DMD: variants seen among roughly 807,000 people sequenced by gnomAD.
DMD encodes mutant dystrophin.
In DMD, 63 loss-of-function variants were observed where a neutral mutation model predicts 330.1. That is an observed-to-expected ratio of 0.19 (90% CI 0.16 to 0.24). The LOEUF is 0.24. Ranked by LOEUF, DMD falls within the 10% of genes least tolerant of loss-of-function variation. DMD has a pLI of 1.00. For synonymous variants in DMD, 1,223 were observed against 959.8 expected (o/e 1.27, Z -5.07); for missense variants, 3,344 against 2,684.1 (o/e 1.25, Z -5.43).
At chrX:31,163,480 T>C (rs1053197072) in intron 74 of DMD, among the ~76,000 whole-genome samples, 5 of 111,995 alleles carry the variant, frequency 4.5e-5, no homozygotes, top group Middle Eastern at 4.2e-3. Flanking sequence ...ACCAAGTAAC[T>C]TGAATGCCTA....
chrX:31,392,760 T>A (rs931420237), intron 60 of DMD, among the ~76,000 whole-genome samples: 31 of 112,279 alleles, frequency 2.8e-4, no homozygotes, highest in African/African-American at 9.1e-4. Flanking sequence ...GGTTTAGTAA[T>A]GTTTTCATTA....
chrX:32,123,202 C>CATATATATATATATATATATAT (rs59017074), intron 44 of DMD, among the ~76,000 whole-genome samples: 16 of 32,557 alleles, frequency 4.9e-4, no homozygotes, highest in Non-Finnish European at 5.5e-4. Flanking sequence ...TGTGAGCATG[C>CATATATATATATATATATATAT]ATATATATAT....
At chrX:32,453,704 C>A (rs538243332) in intron 26 of DMD, among the ~76,000 whole-genome samples, 2 of 110,674 alleles carry the variant, frequency 1.8e-5, no homozygotes, top group East Asian at 5.7e-4. Context: ...AGTTCACAAA[C>A]GAAGGAATTT....
intron 12 of DMD, among the ~76,000 whole-genome samples, chrX:32,604,646 T>C (rs1396023660): frequency 9.0e-6 from 1 of 110,507 alleles, no homozygotes; most frequent in Non-Finnish European, 1.9e-5. Context: ...ATTTTACATC[T>C]AGAAAACCCT....
intron 44 of DMD, among the ~76,000 whole-genome samples, chrX:32,010,129 G>T (rs1486313251): frequency 1.8e-5 from 2 of 111,787 alleles, no homozygotes; most frequent in Non-Finnish European, 3.8e-5. Context: ...TTGGCACAGA[G>T]CAGAGGCTCA....
intron 30 of DMD, among the ~76,000 whole-genome samples, chrX:32,405,446 T>A (rs934869198): frequency 5.4e-5 from 6 of 111,168 alleles, no homozygotes; most frequent in African/African-American, 9.9e-5. Flanking sequence ...ACTTTGGAAA[T>A]AATCCTAGTT....
At chrX:31,219,201 C>A (rs186244117) in intron 64 of DMD, among the ~76,000 whole-genome samples, 2 of 111,218 alleles carry the variant, frequency 1.8e-5, no homozygotes, top group Admixed American at 1.9e-4. Context: ...TTCTCCTACC[C>A]AACAGGGACT....
intron 1 of DMD, among the ~76,000 whole-genome samples, chrX:33,077,235 A>G (rs773885457): frequency 9.0e-6 from 1 of 111,580 alleles, no homozygotes; most frequent in South Asian, 3.8e-4. Flanking sequence ...GTCCCAGGCA[A>G]GAAGGAATTT....
intron 1 of DMD, among the ~76,000 whole-genome samples, chrX:33,179,693 C>CAAA (rs758474479): frequency 0.059 from 3,700 of 63,041 alleles, 253 homozygotes; most frequent in African/African-American, 0.19. Context: ...GACTCCGTCT[C>CAAA]AAAAAAAAAA....
At chrX:32,716,094 C>T (rs1053605942) in intron 7 of DMD, among the ~76,000 whole-genome samples, 3 of 111,189 alleles carry the variant, frequency 2.7e-5, no homozygotes, top group African/African-American at 9.8e-5. Context: ...TGGCTAGGTT[C>T]TCCAGAAAAA....
At chrX:31,196,391 A>G (rs1360975716) in intron 67 of DMD, among the ~76,000 whole-genome samples, 10 of 111,316 alleles carry the variant, frequency 9.0e-5, no homozygotes, top group Non-Finnish European at 1.7e-4. Context: ...ACTAGTGAGT[A>G]TTCATCCGTC....
intron 2 of DMD, among the ~76,000 whole-genome samples, chrX:32,952,237 G>A (rs753528508): frequency 7.3e-5 from 8 of 109,760 alleles, no homozygotes; most frequent in African/African-American, 2.7e-4. Context: ...GGGTTCAAGC[G>A]ATTCTCCCGC....
At chrX:31,768,735 A>G (rs996605244) in intron 51 of DMD, among the ~76,000 whole-genome samples, 1 of 112,292 alleles carries the variant, frequency 8.9e-6, no homozygotes, top group Non-Finnish European at 1.9e-5. Context: ...CTCCGACACT[A>G]AGCTATAAAG....
chrX:33,031,639 C>T (rs752605680), intron 1 of DMD, among the ~76,000 whole-genome samples: 2 of 110,649 alleles, frequency 1.8e-5, no homozygotes, highest in Non-Finnish European at 1.9e-5. Flanking sequence ...GGCGTGGTGG[C>T]GGACACCTGA....
intron 2 of DMD, among the ~76,000 whole-genome samples, chrX:32,889,786 T>C (rs993745711): frequency 9.0e-6 from 1 of 111,188 alleles, no homozygotes; most frequent in African/African-American, 3.3e-5. Flanking sequence ...CACCCTTGGC[T>C]GACTCCTTTT....
At chrX:33,187,421 C>T (rs1205977095) in intron 1 of DMD, among the ~76,000 whole-genome samples, 1 of 112,486 alleles carries the variant, frequency 8.9e-6, no homozygotes, top group Non-Finnish European at 1.9e-5. Context: ...AACTTTTGTT[C>T]TAGAGATATG....
chrX:31,639,408 C>T (rs975422302), intron 54 of DMD, among the ~76,000 whole-genome samples: 2 of 111,879 alleles, frequency 1.8e-5, no homozygotes, highest in Admixed American at 9.5e-5. Context: ...CAATTTTACA[C>T]GTAAACATAA....
chrX:31,753,086 G>A (rs1454834811), intron 51 of DMD, among the ~76,000 whole-genome samples: 1 of 111,300 alleles, frequency 9.0e-6, no homozygotes, highest in Non-Finnish European at 1.9e-5. Context: ...AAAACAACAG[G>A]AACACACAGT....
chrX:31,577,991 A>T (rs1397451386), intron 55 of DMD, among the ~76,000 whole-genome samples: 2 of 111,526 alleles, frequency 1.8e-5, no homozygotes, highest in African/African-American at 3.3e-5. Flanking sequence ...CACATCGATG[A>T]TATATATTAA....
Sources: gnomAD v4.1 joint callset for allele counts (sites outside exome capture counted in the v4.1 genomes callset) on GRCh38, gnomAD v4.1.1 for gene constraint, MANE v1.5 for transcripts, NCBI Gene and HGNC (gene_info 2026-07-23, HGNC 2026-07-21) for gene names.